Variants in CAMK1D observed in about 807,000 individuals in gnomAD.
CAMK1D encodes calcium/calmodulin-dependent protein kinase type 1D.
In CAMK1D, 9 loss-of-function variants were observed where a neutral mutation model predicts 47.7. That is an observed-to-expected ratio of 0.19 (90% confidence interval 0.11 to 0.33). The LOEUF is 0.33. Among genes scored for constraint, CAMK1D ranks in the 10% least tolerant of loss-of-function variants. CAMK1D has a pLI of 1.00. For missense variants in CAMK1D, 291 were observed against 488.7 expected (o/e 0.60, Z 3.81); for synonymous variants, 184 against 184.9 (o/e 0.99, Z 0.04).
intron 1 of CAMK1D, among the ~76,000 whole-genome samples, chr10:12,356,466 G>T (rs566478884): frequency 6.6e-6 from 1 of 152,178 alleles, no homozygotes. Flanking sequence ...GAATTTGAAG[G>T]TGAAATTCTC....
chr10:12,435,993 G>A (rs111542501), intron 1 of CAMK1D, among the ~76,000 whole-genome samples: 8 of 152,312 alleles, frequency 5.3e-5, no homozygotes, highest in African/African-American at 1.9e-4. Flanking sequence ...GGACAGTCGG[G>A]AATGAGTCTT....
chr10:12,437,969 C>T (rs1588485314), intron 1 of CAMK1D, among the ~76,000 whole-genome samples: 5 of 152,200 alleles, frequency 3.3e-5, no homozygotes, highest in East Asian at 3.8e-4. Flanking sequence ...GTCACATAGG[C>T]ACCTGCTGCC....
intron 1 of CAMK1D, among the ~76,000 whole-genome samples, chr10:12,377,488 T>G (rs1425799894): frequency 6.6e-6 from 1 of 152,216 alleles, no homozygotes; most frequent in East Asian, 1.9e-4. Context: ...GTTCTTCCCT[T>G]AAGATTTTTT....
rs1837492747 is a variant in CAMK1D, at chr10:12,781,549, G to A, written c.566-9609G>A. Among the ~76,000 whole-genome samples the A allele has an allele frequency of 2.0e-5, 3 of 152,334 alleles. No homozygotes were observed. The South Asian group carries it at 6.2e-4, about 32-fold the overall frequency. On this transcript the variant is annotated intron_variant, in intron 5 of 10. Coordinates refer to ENST00000619168, the MANE Select transcript of CAMK1D (RefSeq NM_153498.4). ...AGCAGTCCCAGCTCAGATGAGAATGGTAATTACATACCAGTATGGTGCTTT... is the reference window on the plus strand; with the variant it reads ...AGCAGTCCCAGCTCAGATGAGAATGATAATTACATACCAGTATGGTGCTTT...
At chr10:12,351,229 T>A (rs1229762745) in intron 1 of CAMK1D, among the ~76,000 whole-genome samples, 5 of 152,124 alleles carry the variant, frequency 3.3e-5, no homozygotes, top group African/African-American at 1.2e-4. Context: ...CTCCCTGCTG[T>A]GGTTGTTGCC....
intron 2 of CAMK1D, among the ~76,000 whole-genome samples, chr10:12,645,397 G>A (rs978177659): frequency 1.3e-5 from 2 of 152,192 alleles, no homozygotes; most frequent in African/African-American, 4.8e-5. Flanking sequence ...AAGCAACAAA[G>A]TACAAACGTC....
chr10:12,752,091 C>A (rs1257171562), intron 3 of CAMK1D, among the ~76,000 whole-genome samples: 1 of 151,828 alleles, frequency 6.6e-6, no homozygotes, highest in African/African-American at 2.4e-5. Context: ...TCAAGCGATT[C>A]TCCCACCTCA....
At chr10:12,474,706 A>G (rs983723192) in intron 1 of CAMK1D, among the ~76,000 whole-genome samples, 1 of 152,004 alleles carries the variant, frequency 6.6e-6, no homozygotes, top group Non-Finnish European at 1.5e-5. Flanking sequence ...GGTACTAAGC[A>G]TAGTACCTGA....
At chr10:12,671,026 CTT>C (rs1406163239) in intron 3 of CAMK1D, among the ~76,000 whole-genome samples, 11 of 152,174 alleles carry the variant, frequency 7.2e-5, no homozygotes, top group Admixed American at 2.0e-4. Context: ...CTGTTTTAGA[CTT>C]TTCATATGAA....
At chr10:12,466,068 A>G (rs1833579018) in intron 1 of CAMK1D, among the ~76,000 whole-genome samples, 1 of 152,144 alleles carries the variant, frequency 6.6e-6, no homozygotes, top group Admixed American at 6.5e-5. Context: ...TTATAATCCC[A>G]GCTGCTTGGG....
intron 1 of CAMK1D, among the ~76,000 whole-genome samples, chr10:12,368,785 A>G (rs1380248720): frequency 1.3e-5 from 2 of 151,332 alleles, no homozygotes; most frequent in Non-Finnish European, 2.9e-5. Flanking sequence ...TGCTGCGATT[A>G]CAGGTGCTAA....
rs569029354 is a variant in CAMK1D at position 12,594,107 on chromosome 10, C to G, written c.224+40751C>G. 1.8e-3 allele frequency among the ~76,000 whole-genome samples: 269 copies of G among 152,290 alleles called. 1 individual carries two copies. Among genetic ancestry groups the G allele is most frequent in the African/African-American group, 6.3e-3 (263 of 41,546 alleles). On this transcript the variant is annotated intron_variant, in intron 2 of 10. Transcript: ENST00000619168. Reference sequence around the variant, plus strand: ...AGGAGAATCACTTGAGCCTTGGAGGCTGAGGTTGCAGTGAGCCGAGATCGT... The same window carrying G: ...AGGAGAATCACTTGAGCCTTGGAGGGTGAGGTTGCAGTGAGCCGAGATCGT...
chr10:12,692,901 C>A (rs748782772), intron 3 of CAMK1D, among the ~76,000 whole-genome samples: 1 of 152,150 alleles, frequency 6.6e-6, no homozygotes, highest in Non-Finnish European at 1.5e-5. Context: ...TTTGAAGGAG[C>A]TGTGATGGCA....
At chr10:12,803,352 C>T (rs1838567285) in intron 6 of CAMK1D, among the ~76,000 whole-genome samples, 1 of 152,202 alleles carries the variant, frequency 6.6e-6, no homozygotes, top group South Asian at 2.1e-4. Flanking sequence ...GCTCCATGAT[C>T]AGCATTTCAC....
intron 1 of CAMK1D, among the ~76,000 whole-genome samples, chr10:12,458,442 G>C (rs1293348045): frequency 7.2e-6 from 1 of 138,272 alleles, no homozygotes; most frequent in Non-Finnish European, 1.6e-5. Flanking sequence ...TTAAAGACAG[G>C]GTCTTGCACT....
intron 3 of CAMK1D, among the ~76,000 whole-genome samples, chr10:12,734,522 GTATA>G (rs574153244): frequency 7.3e-6 from 1 of 136,820 alleles, no homozygotes; most frequent in African/African-American, 2.9e-5. Flanking sequence ...ATATATACAC[GTATA>G]TATATACACA....
intron 8 of CAMK1D, among the ~76,000 whole-genome samples, chr10:12,819,857 T>C (rs1588966964): frequency 6.6e-6 from 1 of 150,854 alleles, no homozygotes. Context: ...AGGGATGGAG[T>C]GGGGCAGGGA....
At chr10:12,699,249 G>A (rs1226078299) in intron 3 of CAMK1D, among the ~76,000 whole-genome samples, 3 of 152,138 alleles carry the variant, frequency 2.0e-5, no homozygotes, top group African/African-American at 7.2e-5. Flanking sequence ...CAAGCAAAAT[G>A]CCTTGAGTGT....
At chr10:12,524,362 G>C (rs1291758267) in intron 1 of CAMK1D, among the ~76,000 whole-genome samples, 2 of 152,166 alleles carry the variant, frequency 1.3e-5, no homozygotes, top group African/African-American at 2.4e-5. Context: ...AAATAGACTT[G>C]TTTAGTGTTT....
Sources: allele counts gnomAD v4.1 joint callset (sites outside exome capture counted in the v4.1 genomes callset), GRCh38; gene constraint gnomAD v4.1.1; transcripts MANE v1.5; gene names NCBI Gene and HGNC (gene_info 2026-07-23, HGNC 2026-07-21).